ITGA9: variants seen among roughly 807,000 people sequenced by gnomAD.
ITGA9 encodes integrin alpha-9.
ITGA9 carries 56 observed loss-of-function variants against 127.8 expected under a neutral mutation model. The ratio of observed to expected loss-of-function variants is 0.44; its 90% CI spans 0.35 to 0.55. The LOEUF (loss-of-function observed/expected upper bound fraction) is 0.55, where lower values mean the gene tolerates loss of function less well. Ranked by LOEUF, ITGA9 falls within the 20% of genes least tolerant of loss-of-function variation. ITGA9 has a pLI of 0.00. For synonymous variants in ITGA9, 508 were observed against 514.5 expected (o/e 0.99, Z 0.17); for missense variants, 1,196 against 1,347.1 (o/e 0.89, Z 1.76).
intron 22 of ITGA9, chr3:37,745,730 G>A (rs919161033): frequency 1.4e-5 from 2 of 139,656 alleles, no homozygotes; most frequent in Non-Finnish European, 3.0e-5. Context: ...AGAAATCTGA[G>A]GGTATGCAGC....
At chr3:37,812,162 A>G (rs1357764762) in intron 27 of ITGA9, among the ~76,000 whole-genome samples, 4 of 152,302 alleles carry the variant, frequency 2.6e-5, no homozygotes, top group South Asian at 2.1e-4. Context: ...AATTAGAACC[A>G]TGTGCCAATG....
chr3:37,505,425 A>C (rs753157860), intron 6 of ITGA9, among the ~76,000 whole-genome samples: 5 of 152,248 alleles, frequency 3.3e-5, no homozygotes, highest in Non-Finnish European at 7.3e-5. Context: ...GATATTACTC[A>C]ATAATAAAAA....
At chr3:37,691,641 C>T (rs555689686) in intron 18 of ITGA9, among the ~76,000 whole-genome samples, 1 of 152,310 alleles carries the variant, frequency 6.6e-6, no homozygotes, top group African/African-American at 2.4e-5. Flanking sequence ...CAGCCTGTGA[C>T]CTCCAGCCTG....
intron 26 of ITGA9, among the ~76,000 whole-genome samples, chr3:37,792,535 G>A (rs1454355145): frequency 6.6e-6 from 1 of 152,180 alleles, no homozygotes; most frequent in Non-Finnish European, 1.5e-5. Flanking sequence ...GCCCCAAAAG[G>A]CTTGGCCTCT....
At chr3:37,602,030 G>A (rs1699926950) in intron 15 of ITGA9, among the ~76,000 whole-genome samples, 2 of 152,134 alleles carry the variant, frequency 1.3e-5, no homozygotes, top group Admixed American at 1.3e-4. Flanking sequence ...TAGGAGCACA[G>A]TGAGAACTGA....
chr3:37,605,478 G>A (rs1354528068), intron 15 of ITGA9, among the ~76,000 whole-genome samples: 1 of 152,192 alleles, frequency 6.6e-6, no homozygotes, highest in Non-Finnish European at 1.5e-5. Flanking sequence ...TGTCCTCCCA[G>A]CAGACTGGAG....
chr3:37,532,519 G>A (rs1699162181), intron 13 of ITGA9, among the ~76,000 whole-genome samples: 1 of 152,208 alleles, frequency 6.6e-6, no homozygotes, highest in Non-Finnish European at 1.5e-5. Context: ...GGCCTGGAGG[G>A]GAGAAGGTTG....
intron 1 of ITGA9, among the ~76,000 whole-genome samples, chr3:37,453,570 G>A (rs1264022445): frequency 6.6e-6 from 1 of 152,180 alleles, no homozygotes; most frequent in Non-Finnish European, 1.5e-5. Flanking sequence ...AAGTTCCCCC[G>A]TTCAAGGTCG....
At chr3:37,565,860 A>G (rs1699541546) in intron 15 of ITGA9, among the ~76,000 whole-genome samples, 1 of 152,084 alleles carries the variant, frequency 6.6e-6, no homozygotes, top group Non-Finnish European at 1.5e-5. Flanking sequence ...CTGGGTTGGG[A>G]GTGACGTTGG....
intron 3 of ITGA9, among the ~76,000 whole-genome samples, chr3:37,475,986 T>C (rs765770109): frequency 1.3e-5 from 2 of 152,254 alleles, no homozygotes; most frequent in African/African-American, 4.8e-5. Flanking sequence ...TTTAGCATAA[T>C]GTCCTCAAGG....
intron 23 of ITGA9, among the ~76,000 whole-genome samples, chr3:37,766,252 G>A (rs1696779275): frequency 6.6e-6 from 1 of 152,224 alleles, no homozygotes; most frequent in African/African-American, 2.4e-5. Flanking sequence ...AGACCAAAAA[G>A]AACTGCCTCA....
Position 37,629,918 on chromosome 3 carries a change from C to G in ITGA9, c.1839+582C>G, listed in dbSNP as rs1259326317. On this transcript the variant is annotated intron_variant, in intron 16 of 27. Coordinates refer to ENST00000264741, the MANE Select transcript of ITGA9 (RefSeq NM_002207.3). The surrounding 1 kb of genome is among the most constrained non-coding windows in gnomAD (Gnocchi z 4.5). ...GAGTGAGCCTGTGCCTGATTTTGTG[C>G]AGCAGCGCTGGCCAGCTCTGAGGCG... 6.6e-6 allele frequency among the ~76,000 whole-genome samples: 1 copy of G among 152,182 alleles called. No individual in the cohort carries two copies. The highest frequency in any genetic ancestry group is 1.5e-5 in the Non-Finnish European group (1 of 68,042).
chr3:37,747,930 C>T lies in ITGA9; in HGVS notation c.2434-2532C>T, dbSNP rs577820467. Among the ~76,000 whole-genome samples the T allele has an allele frequency of 2.6e-4, 40 of 152,096 alleles. 1 individual carries two copies. The highest frequency in any genetic ancestry group is 2.1e-3 in the Admixed American group (32 of 15,274). ...TGGAGAGGGGGTCGGGTTTTAGATACGGGGTTTCACCACGTTGCCCAGCTG... is the reference window on the plus strand; with the variant it reads ...TGGAGAGGGGGTCGGGTTTTAGATATGGGGTTTCACCACGTTGCCCAGCTG... On this transcript the variant is annotated intron_variant, in intron 22 of 27. Transcript: ENST00000264741.
chr3:37,619,248 G>T (rs1198898858), intron 15 of ITGA9, among the ~76,000 whole-genome samples: 1 of 152,120 alleles, frequency 6.6e-6, no homozygotes, highest in Non-Finnish European at 1.5e-5. Context: ...CATCATCCTG[G>T]AGTGCTAGGG....
Position 37,513,920 on chromosome 3 carries a change from ATGTGCGGATGGG to A in ITGA9, c.1035+25_1035+36del. 1 of 1,612,386 alleles carries A rather than the reference ATGTGCGGATGGG, an allele frequency of 6.2e-7. No homozygotes were observed. Reference sequence around the variant, plus strand: ...GGAAATGTGAGTACAATACTGGGCAATGTGCGGATGGGTGTGGGGGAGGGACATTTGTCCAGC... The same window carrying A: ...GGAAATGTGAGTACAATACTGGGCAATGTGGGGGAGGGACATTTGTCCAGC... On this transcript the variant is annotated intron_variant, in intron 9 of 27. Coordinates refer to ENST00000264741, the MANE Select transcript of ITGA9 (RefSeq NM_002207.3).
At chr3:37,500,809 G>A (rs1436610152) in intron 5 of ITGA9, among the ~76,000 whole-genome samples, 2 of 152,174 alleles carry the variant, frequency 1.3e-5, no homozygotes, top group Non-Finnish European at 2.9e-5. Flanking sequence ...ACCAAGGGAC[G>A]GGGTGCAGGG....
chr3:37,750,402 C>T, intron 22 of ITGA9, 60 bp from the exon 23 acceptor site: 1 of 966,566 alleles, frequency 1.0e-6, no homozygotes. Flanking sequence ...TATTGCATGA[C>T]AGGAAATGGA....
In ITGA9 at chr3:37,470,992, T is replaced by C; in HGVS notation, c.186-15T>C. The C allele has an allele frequency of 9.9e-6, 16 of 1,614,002 alleles. No homozygotes were observed. Among genetic ancestry groups the C allele is most frequent in the Non-Finnish European group, 1.3e-5 (15 of 1,179,918 alleles). On this transcript the variant is annotated splice_polypyrimidine_tract_variant and intron_variant, in intron 1 of 27. Transcript: ENST00000264741. Reference sequence around the variant, plus strand: ...ATCGTAGGTTGTGACAGAATGCCTTTTTCTCTTGCTGCAGGGTCCTTGTGG... The same window carrying C: ...ATCGTAGGTTGTGACAGAATGCCTTCTTCTCTTGCTGCAGGGTCCTTGTGG...
At chr3:37,717,480 A>G (rs1701147271) in intron 18 of ITGA9, among the ~76,000 whole-genome samples, 1 of 152,212 alleles carries the variant, frequency 6.6e-6, no homozygotes, top group African/African-American at 2.4e-5. Flanking sequence ...TGACAGTTCC[A>G]CAGGCTTCAC....
Sources: gnomAD v4.1 joint callset for allele counts (sites outside exome capture counted in the v4.1 genomes callset) on GRCh38, gnomAD v4.1.1 for gene constraint, Gnocchi (gnomAD v3.1) non-coding constraint, MANE v1.5 for transcripts, NCBI Gene and HGNC (gene_info 2026-07-23, HGNC 2026-07-21) for gene names.